Variants in CLXN observed in about 807,000 individuals in gnomAD.
CLXN encodes the protein EF-hand calcium binding domain 1.
the CLXN span, among the ~76,000 whole-genome samples, chr8:48,718,871 A>T: frequency 2.6e-5 from 4 of 152,090 alleles, no homozygotes; most frequent in Admixed American, 2.0e-4. Context: ...AGGTAAAAAA[A>T]CCTAACTATA....
At chr8:48,727,142 C>T in the CLXN span, among the ~76,000 whole-genome samples, 2 of 149,234 alleles carry the variant, frequency 1.3e-5, no homozygotes, top group African/African-American at 4.9e-5. Flanking sequence ...CCACATCACC[C>T]ATCCATCCTT....
chr8:48,717,774 TG>T, the CLXN span, among the ~76,000 whole-genome samples: 2 of 152,184 alleles, frequency 1.3e-5, no homozygotes, highest in Non-Finnish European at 2.9e-5. Flanking sequence ...ATTAAAAGTA[TG>T]GTTTTTGTGT....
chr8:48,729,463 C>T, the CLXN span, among the ~76,000 whole-genome samples: 1 of 151,088 alleles, frequency 6.6e-6, no homozygotes, highest in Non-Finnish European at 1.5e-5. Context: ...TTTGATGATG[C>T]AGTGAGCTGT....
At chr8:48,724,908 T>TAACA in the CLXN span, 14 of 824,232 alleles carry the variant, frequency 1.7e-5, no homozygotes, top group Non-Finnish European at 2.4e-5. Context: ...TGAGGGTTAG[T>TAACA]GGGCATCGAG....
the CLXN span, among the ~76,000 whole-genome samples, chr8:48,727,135 C>T: frequency 6.7e-6 from 1 of 148,228 alleles, no homozygotes; most frequent in Non-Finnish European, 1.5e-5. Flanking sequence ...CACACACCCA[C>T]ATCACCCATC....
At chr8:48,729,877 T>A in the CLXN span, 2 of 1,599,630 alleles carry the variant, frequency 1.3e-6, no homozygotes, top group Non-Finnish European at 1.7e-6. Context: ...GCAATCTTTT[T>A]AAGAAAATAA....
the CLXN span, among the ~76,000 whole-genome samples, chr8:48,716,848 T>C: frequency 4.6e-5 from 7 of 152,136 alleles, no homozygotes; most frequent in East Asian, 5.8e-4. Flanking sequence ...AATATATGCA[T>C]TGTGAAAGTA....
the CLXN span, among the ~76,000 whole-genome samples, chr8:48,723,237 A>T: frequency 6.6e-6 from 1 of 152,224 alleles, no homozygotes; most frequent in Admixed American, 6.5e-5. Context: ...ATATAAAAAC[A>T]TCAAGTTGTA....
the CLXN span, among the ~76,000 whole-genome samples, chr8:48,727,214 T>TCATCCATC: frequency 6.3e-5 from 7 of 111,360 alleles, no homozygotes; most frequent in Admixed American, 2.0e-4. Context: ...ATCTATCCAC[T>TCATCCATC]CATCCATCCA....
At chr8:48,718,750 C>G in the CLXN span, among the ~76,000 whole-genome samples, 4 of 152,026 alleles carry the variant, frequency 2.6e-5, no homozygotes, top group South Asian at 8.3e-4. Context: ...AAAATTATCT[C>G]AAGACAAACA....
At chr8:48,728,333 T>G in the CLXN span, among the ~76,000 whole-genome samples, 64 of 152,294 alleles carry the variant, frequency 4.2e-4, no homozygotes, top group African/African-American at 1.5e-3. Context: ...CACCCATTGC[T>G]CAGATTATTT....
the CLXN span, among the ~76,000 whole-genome samples, chr8:48,714,240 A>G: frequency 6.6e-6 from 1 of 152,232 alleles, no homozygotes; most frequent in South Asian, 2.1e-4. Flanking sequence ...GGGTACTTAG[A>G]TACCCTTACT....
At chr8:48,713,381 G>A in the CLXN span, among the ~76,000 whole-genome samples, 1 of 152,092 alleles carries the variant, frequency 6.6e-6, no homozygotes, top group Non-Finnish European at 1.5e-5. Flanking sequence ...AGCTGTGAAC[G>A]ACTGGGCGAG....
chr8:48,730,004 A>T, the CLXN span: 8 of 718,504 alleles, frequency 1.1e-5, no homozygotes, highest in Non-Finnish European at 1.5e-5. Context: ...TTTGCATTGT[A>T]AGTGTCAACG....
the CLXN span, among the ~76,000 whole-genome samples, chr8:48,720,761 G>A: frequency 6.6e-6 from 1 of 151,994 alleles, no homozygotes; most frequent in African/African-American, 2.4e-5. Flanking sequence ...TATTCTTACA[G>A]CCCCTCCCCT....
At chr8:48,733,467 A>G in the CLXN span, among the ~76,000 whole-genome samples, 12 of 152,298 alleles carry the variant, frequency 7.9e-5, no homozygotes, top group Admixed American at 4.6e-4. Flanking sequence ...CATGAACTAG[A>G]TGTTCTCTTA....
At chr8:48,727,280 A>ATG in the CLXN span, among the ~76,000 whole-genome samples, 1 of 151,372 alleles carries the variant, frequency 6.6e-6, no homozygotes, top group Non-Finnish European at 1.5e-5. Context: ...GACACACACC[A>ATG]TGTGCTACAC....
chr8:48,735,183 G>A, the CLXN span: 188 of 1,612,904 alleles, frequency 1.2e-4, 1 homozygote, highest in African/African-American at 2.3e-3. Flanking sequence ...GCCGCGGCGG[G>A]GGTCTCTGGG....
At chr8:48,728,883 A>T in the CLXN span, among the ~76,000 whole-genome samples, 1 of 152,218 alleles carries the variant, frequency 6.6e-6, no homozygotes, top group Non-Finnish European at 1.5e-5. Context: ...ACTAGTACCA[A>T]GAAATGAATC....
Sources: gnomAD v4.1 joint callset for allele counts (sites outside exome capture counted in the v4.1 genomes callset) on GRCh38, gnomAD v4.1.1 for gene constraint, MANE v1.5 for transcripts, NCBI Gene and HGNC (gene_info 2026-07-23, HGNC 2026-07-21) for gene names.